Variants in UPF3B observed in about 807,000 individuals in gnomAD.
UPF3B encodes regulator of nonsense transcripts 3B.
Under a neutral mutation model 40.3 loss-of-function variants are expected in UPF3B, and 7 were observed. The observed-to-expected ratio is 0.17, with a 90% CI of 0.10 to 0.33. The LOEUF is 0.33. UPF3B is among the 10% of genes least tolerant of loss of function. The pLI is 1.00. For synonymous variants in UPF3B, 117 were observed against 117.3 expected, an observed-to-expected ratio of 1.00 and a Z score of 0.01; for missense variants, 229 against 358.9, an observed-to-expected ratio of 0.64 and a Z score of 2.93.
intron 3 of UPF3B, among the ~76,000 whole-genome samples, chrX:119,849,472 GAC>G (rs2056274149): frequency 9.9e-6 from 1 of 100,648 alleles, no homozygotes; most frequent in Non-Finnish European, 2.0e-5. Flanking sequence ...CAGCCTGGGC[GAC>G]AGAGTTAAGA....
At chrX:119,810,451 A>G in intron 5 of UPF3B, among the ~76,000 whole-genome samples, 1 of 112,248 alleles carries the variant, frequency 8.9e-6, no homozygotes, top group African/African-American at 3.2e-5. Flanking sequence ...ATGGCTCCGA[A>G]GATGTGGAAG....
intron 7 of UPF3B, 54 bp downstream of exon 7, chrX:119,841,021 GA>G (rs1248107181): frequency 8.6e-7 from 1 of 1,162,844 alleles, no homozygotes; most frequent in African/African-American, 1.8e-5. Context: ...CATATTTAAA[GA>G]AGTAGATACG....
At chrX:119,822,418 T>TG (rs1393929186) in intron 4 of UPF3B, among the ~76,000 whole-genome samples, 1 of 113,043 alleles carries the variant, frequency 8.8e-6, no homozygotes, top group African/African-American at 3.2e-5. Context: ...GTGTCACACG[T>TG]GATGAAGTCC....
chrX:119,840,587 C>T, intron 8 of UPF3B, 59 bp downstream of exon 8: 1 of 1,095,910 alleles, frequency 9.1e-7, no homozygotes, highest in Non-Finnish European at 1.3e-6. Context: ...GACTTATTAG[C>T]TAAGACCTGT....
chrX:119,816,939 T>C (rs1209854708), intron 4 of UPF3B, among the ~76,000 whole-genome samples: 1 of 110,476 alleles, frequency 9.1e-6, no homozygotes, highest in African/African-American at 3.3e-5. Flanking sequence ...AGAGAAGAGG[T>C]TTAATTATTT....
At chrX:119,810,036 C>G (rs1191713008) in intron 5 of UPF3B, among the ~76,000 whole-genome samples, 8 of 111,928 alleles carry the variant, frequency 7.1e-5, no homozygotes, top group Non-Finnish European at 1.5e-4. Flanking sequence ...AAGCCTGCAG[C>G]AGCAGGTCAT....
At chrX:119,850,889 C>T (rs779446623) in intron 3 of UPF3B, among the ~76,000 whole-genome samples, 69 of 111,934 alleles carry the variant, frequency 6.2e-4, no homozygotes, top group Non-Finnish European at 1.2e-3. Context: ...CAGGCGTGGA[C>T]CGCCACGCCT....
In UPF3B at chrX:119,836,331, G is replaced by C. The variant is rs187522342; in HGVS notation, c.1303-1304C>G. On this transcript the variant is annotated intron_variant, in intron 10 of 10. Coordinates refer to ENST00000276201, the MANE Select transcript of UPF3B (RefSeq NM_080632.3). ...GATCATGCCACTGCACTCCAGCCTA[G>C]ATGACAGAGCGAGACTCCATCGCAA... Among the ~76,000 whole-genome samples the C allele has an allele frequency of 3.1e-3, 347 of 111,644 alleles. 3 individuals carry two copies. The highest frequency in any genetic ancestry group is 0.01 in the African/African-American group (321 of 30,785).
chrX:119,848,012 C>A (rs2056255764), intron 3 of UPF3B, among the ~76,000 whole-genome samples: 1 of 109,635 alleles, frequency 9.1e-6, no homozygotes, highest in African/African-American at 3.3e-5. Context: ...GGGGCAGTGG[C>A]TCATGCCTGT....
At chrX:119,828,030 G>A (rs966242002) in intron 3 of UPF3B, among the ~76,000 whole-genome samples, 2 of 105,859 alleles carry the variant, frequency 1.9e-5, no homozygotes, top group Non-Finnish European at 3.8e-5. Context: ...CGCCGTGCCC[G>A]ACCTTTTTTT....
rs774936989 is a variant in UPF3B at position 119,851,914 on chromosome X, G to A, written c.157-41C>T. ...AGGAAAATAAAATTAGTACAAATCAGTTTTCTGTCATACCTGAAAGAATCA... is the reference window on the plus strand; with the variant it reads ...AGGAAAATAAAATTAGTACAAATCAATTTTCTGTCATACCTGAAAGAATCA... On this transcript the variant is annotated intron_variant, in intron 1 of 10. Coordinates refer to ENST00000276201, the MANE Select transcript of UPF3B (RefSeq NM_080632.3). 4.0e-5 allele frequency: 37 copies of A among 927,913 alleles called. No homozygotes were observed. In the African/African-American group the frequency reaches 4.4e-4, roughly 11 times the overall value. 76.5% of individuals were successfully genotyped at this position (927,913 alleles called of 1,213,427 possible). A position where few individuals can be genotyped will look rare whatever the true frequency, so the allele number is the denominator to read the frequency against.
intron 4 of UPF3B, among the ~76,000 whole-genome samples, chrX:119,821,119 C>T (rs750930569): frequency 5.4e-5 from 6 of 111,177 alleles, no homozygotes; most frequent in Non-Finnish European, 1.1e-4. Flanking sequence ...TGAGTTCTTA[C>T]AGATCAGGTT....
At chrX:119,841,609 C>T (rs754043969) in intron 6 of UPF3B, 126 bp downstream of exon 6, 1 of 715,757 alleles carries the variant, frequency 1.4e-6, no homozygotes, top group South Asian at 2.4e-5. Flanking sequence ...GAAGGCAAAT[C>T]CTTAAAGAGT....
intron 3 of UPF3B, among the ~76,000 whole-genome samples, chrX:119,847,188 A>G (rs1399007859): frequency 8.9e-6 from 1 of 112,210 alleles, no homozygotes; most frequent in Non-Finnish European, 1.9e-5. Flanking sequence ...ATGTAAAATG[A>G]TGCAGCTGCA....
chrX:119,822,925 T>C, intron 4 of UPF3B: 1 of 909,780 alleles, frequency 1.1e-6, no homozygotes, highest in South Asian at 2.7e-5. Context: ...TTCTTTTCTA[T>C]GGCTAATACC....
intron 4 of UPF3B, among the ~76,000 whole-genome samples, chrX:119,816,044 A>G (rs1030522931): frequency 3.6e-5 from 4 of 111,454 alleles, no homozygotes; most frequent in African/African-American, 1.3e-4. Context: ...GGCCTCCCAA[A>G]GTGCTGGGAT....
chrX:119,819,842 C>CTTTTTTTTTTTTTTTTTTT (rs34094727), intron 4 of UPF3B, among the ~76,000 whole-genome samples: 1 of 68,611 alleles, frequency 1.5e-5, no homozygotes, highest in Non-Finnish European at 2.8e-5. Context: ...TCTATTTTTC[C>CTTTTTTTTTTTTTTTTTTT]TTTTTTTTTT....
chrX:119,837,547 C>T (rs1408320661), intron 10 of UPF3B, among the ~76,000 whole-genome samples: 4 of 102,037 alleles, frequency 3.9e-5, no homozygotes, highest in African/African-American at 7.3e-5. Flanking sequence ...ACCCAGGAGG[C>T]GGAGCTTGCA....
chrX:119,840,270 T>C (rs1309040788), intron 8 of UPF3B, among the ~76,000 whole-genome samples: 2 of 111,525 alleles, frequency 1.8e-5, no homozygotes, highest in Non-Finnish European at 3.8e-5. Flanking sequence ...CCCAGATATA[T>C]GCAGGAAGAT....
Sources: allele counts gnomAD v4.1 joint callset (sites outside exome capture counted in the v4.1 genomes callset), GRCh38; gene constraint gnomAD v4.1.1; transcripts MANE v1.5; gene names NCBI Gene and HGNC (gene_info 2026-07-23, HGNC 2026-07-21).